PRKCE: variants seen among roughly 807,000 people sequenced by gnomAD.
The protein encoded by PRKCE is protein kinase C epsilon type.
PRKCE carries 16 observed loss-of-function variants against 85.4 expected under a neutral mutation model. That is an observed-to-expected ratio of 0.19 (90% CI 0.13 to 0.28). PRKCE has a LOEUF of 0.28. Ranked by LOEUF, PRKCE falls within the 10% of genes least tolerant of loss-of-function variation. The pLI, the probability that PRKCE is intolerant of heterozygous loss-of-function variation, is 1.00. For missense variants in PRKCE, 573 were observed against 975.2 expected, an observed-to-expected ratio of 0.59 and a Z score of 5.49; for synonymous variants, 388 against 371.5, an observed-to-expected ratio of 1.04 and a Z score of -0.51.
intron 1 of PRKCE, among the ~76,000 whole-genome samples, chr2:45,733,099 G>A (rs887569130): frequency 2.0e-5 from 3 of 152,164 alleles, no homozygotes; most frequent in Non-Finnish European, 4.4e-5. Context: ...TTGGCCCTGG[G>A]GCTGCGGTTT....
chr2:46,133,656 C>T (rs187154750), intron 11 of PRKCE, among the ~76,000 whole-genome samples: 1 of 151,976 alleles, frequency 6.6e-6, no homozygotes, highest in African/African-American at 2.4e-5. Flanking sequence ...ATACTGGGTA[C>T]TTTGCAGGGC....
chr2:46,150,394 G>C (rs1676501022), intron 12 of PRKCE, among the ~76,000 whole-genome samples: 1 of 152,208 alleles, frequency 6.6e-6, no homozygotes, highest in Non-Finnish European at 1.5e-5. Context: ...GGCAGGCAAA[G>C]TGGGGGATTC....
chr2:46,116,589 G>T (rs1044463251), intron 11 of PRKCE, among the ~76,000 whole-genome samples: 1 of 152,100 alleles, frequency 6.6e-6, no homozygotes, highest in Admixed American at 6.6e-5. Flanking sequence ...AAATCAAGTG[G>T]GTCCTTGGAT....
chr2:45,979,046 C>G (rs367645094), intron 4 of PRKCE, 36 bp downstream of exon 4: 3 of 1,592,398 alleles, frequency 1.9e-6, no homozygotes, highest in Middle Eastern at 3.3e-4. Context: ...TTCAGAGGCC[C>G]GTGGTTAGAT....
At chr2:45,855,627 C>T (rs1352250310) in intron 2 of PRKCE, among the ~76,000 whole-genome samples, 1 of 152,306 alleles carries the variant, frequency 6.6e-6, no homozygotes, top group African/African-American at 2.4e-5. Context: ...AAGCCCTTGA[C>T]TTTAGGGGAA....
chr2:45,764,595 G>C (rs549409595), intron 1 of PRKCE, among the ~76,000 whole-genome samples: 1 of 152,308 alleles, frequency 6.6e-6, no homozygotes, highest in East Asian at 1.9e-4. Flanking sequence ...GAGGCTAAAT[G>C]AAAGAGGTAG....
At chr2:45,829,348 T>A (rs1573521518) in intron 1 of PRKCE, among the ~76,000 whole-genome samples, 2 of 152,338 alleles carry the variant, frequency 1.3e-5, no homozygotes, top group African/African-American at 4.8e-5. Flanking sequence ...GTACTTCAGA[T>A]GACATATTTT....
At chr2:46,178,547 C>T (rs1467285668) in intron 14 of PRKCE, among the ~76,000 whole-genome samples, 1 of 152,172 alleles carries the variant, frequency 6.6e-6, no homozygotes, top group Non-Finnish European at 1.5e-5. Context: ...TGTGTGTAAA[C>T]ATATACACAT....
At chr2:45,811,493 T>C (rs969306175) in intron 1 of PRKCE, among the ~76,000 whole-genome samples, 2 of 152,262 alleles carry the variant, frequency 1.3e-5, no homozygotes, top group Non-Finnish European at 2.9e-5. Flanking sequence ...GGTCTCTGGA[T>C]GACTAGGGGC....
chr2:46,135,746 CTTTTTTTTTTTTTT>C (rs11417233), intron 11 of PRKCE, among the ~76,000 whole-genome samples: 1 of 20,666 alleles, frequency 4.8e-5, no homozygotes, highest in East Asian at 1.8e-3. Flanking sequence ...ACAAATTATG[CTTTTTTTTTTTTTT>C]TTTTTTTTTT....
intron 1 of PRKCE, among the ~76,000 whole-genome samples, chr2:45,766,761 C>T (rs533783982): frequency 2.0e-5 from 3 of 152,268 alleles, no homozygotes; most frequent in African/African-American, 4.8e-5. Context: ...AAGTCTGGGC[C>T]GGGCACGGAG....
Position 46,053,527 on chromosome 2 carries a change from G to C in PRKCE, c.1438-32681G>C, listed in dbSNP as rs568609221. 1.3e-4 allele frequency among the ~76,000 whole-genome samples: 20 copies of C among 152,296 alleles called. No individual in the cohort carries two copies. In the Middle Eastern group the frequency reaches 0.02, roughly 155 times the overall value. ...TCATTACCTACCTCCTTCAGCCCCT[G>C]ACAACCACCATGCCACTGTTGATCT... On this transcript the variant is annotated intron_variant, in intron 10 of 14. Coordinates refer to ENST00000306156, the MANE Select transcript of PRKCE (RefSeq NM_005400.3).
At chr2:45,891,797 C>A (rs1305301655) in intron 2 of PRKCE, among the ~76,000 whole-genome samples, 2 of 152,216 alleles carry the variant, frequency 1.3e-5, no homozygotes, top group African/African-American at 2.4e-5. Flanking sequence ...TTAAAAATGC[C>A]ATGTGCACCT....
chr2:45,711,098 C>T (rs1211303803), intron 1 of PRKCE, among the ~76,000 whole-genome samples: 2 of 152,252 alleles, frequency 1.3e-5, no homozygotes, highest in Non-Finnish European at 2.9e-5. Flanking sequence ...CAGCTCAGAG[C>T]ACGAACTTTG....
At chr2:45,737,532 T>A (rs1266367143) in intron 1 of PRKCE, among the ~76,000 whole-genome samples, 1 of 151,952 alleles carries the variant, frequency 6.6e-6, no homozygotes, top group African/African-American at 2.4e-5. Context: ...TCCTCGCAAC[T>A]GCCCAGCGGA....
rs1296424576 is a variant in PRKCE, at chr2:45,895,044, A to T, written c.412+51981A>T. ...CCGTTCGTTTGTTTTGAGTGAACAC[A>T]TAAATGTCATCAATGATTCCGTCTC... On this transcript the variant is annotated intron_variant, in intron 2 of 14. Coordinates refer to ENST00000306156, the MANE Select transcript of PRKCE (RefSeq NM_005400.3). The surrounding 1 kb of genome is among the most constrained non-coding windows in gnomAD (Gnocchi z 4.8). Among the ~76,000 whole-genome samples, 14 of 152,220 alleles carry T rather than the reference A, an allele frequency of 9.2e-5. No homozygotes were observed.
At chr2:46,035,209 C>T (rs1010658325) in intron 10 of PRKCE, among the ~76,000 whole-genome samples, 27 of 152,220 alleles carry the variant, frequency 1.8e-4, no homozygotes, top group African/African-American at 6.5e-4. Context: ...CAGGCCTGCC[C>T]ATAGCTCATG....
At chr2:46,126,214 C>G (rs896089949) in intron 11 of PRKCE, among the ~76,000 whole-genome samples, 1 of 152,190 alleles carries the variant, frequency 6.6e-6, no homozygotes, top group East Asian at 1.9e-4. Context: ...CTCTTCTTAA[C>G]CCCTCTGTTC....
rs1167159082 is a variant in PRKCE, at chr2:45,697,487, C to T, written c.348+45039C>T. Reference sequence around the variant, plus strand: ...CCAAACCAGAGTGGAAATGGCAACCCGAGGCTCCCCAGCAAAAGCAAAGAA... The same window carrying T: ...CCAAACCAGAGTGGAAATGGCAACCTGAGGCTCCCCAGCAAAAGCAAAGAA... On this transcript the variant is annotated intron_variant, in intron 1 of 14. Transcript: ENST00000306156. This position sits in a 1 kb window ranked among gnomAD's most constrained non-coding sequence, Gnocchi z 4.2. Among the ~76,000 whole-genome samples the T allele has an allele frequency of 1.3e-5, 2 of 152,128 alleles. No homozygotes were observed. The highest frequency in any genetic ancestry group is 1.3e-4 in the Admixed American group (2 of 15,272).
Sources: allele counts gnomAD v4.1 joint callset (sites outside exome capture counted in the v4.1 genomes callset), GRCh38; gene constraint gnomAD v4.1.1; non-coding constraint Gnocchi (gnomAD v3.1); transcripts MANE v1.5; gene names NCBI Gene and HGNC (gene_info 2026-07-23, HGNC 2026-07-21).